TRIM14: variants seen among roughly 807,000 people sequenced by gnomAD.
The protein encoded by TRIM14 is tripartite motif containing 14, also known as tripartite motif-containing protein 14.
In TRIM14, 28 loss-of-function variants were observed where a neutral mutation model predicts 44.5. That is an observed-to-expected ratio of 0.63 (90% CI 0.47 to 0.86). TRIM14 has a LOEUF of 0.86. TRIM14 is among the 40% of genes least tolerant of loss of function. The probability of loss-of-function intolerance (pLI) is 0.00; values close to 1 mark genes in which losing one functional copy is unlikely to be tolerated. For missense variants in TRIM14, 607 were observed against 611.1 expected (o/e 0.99, Z 0.07); for synonymous variants, 299 against 269.2 (o/e 1.11, Z -1.08).
At chr9:98,045,232 C>A in the TRIM14 span, among the ~76,000 whole-genome samples, 1 of 152,228 alleles carries the variant, frequency 6.6e-6, no homozygotes, top group African/African-American at 2.4e-5. Context: ...CTCAGCCACC[C>A]CTAACTTTGT....
intron 6 of TRIM14, among the ~76,000 whole-genome samples, chr9:98,073,346 A>G (rs1235439987): frequency 7.9e-6 from 1 of 126,180 alleles, no homozygotes; most frequent in African/African-American, 3.1e-5. Context: ...GTGCAATGGC[A>G]TGCTCTTGGC....
chr9:98,064,090 G>A, the TRIM14 span, among the ~76,000 whole-genome samples: 1 of 152,172 alleles, frequency 6.6e-6, no homozygotes, highest in Non-Finnish European at 1.5e-5. Flanking sequence ...GCTCAGGCCA[G>A]AGGTAATGGG....
intron 6 of TRIM14, chr9:98,075,698 A>T (rs1018147102): frequency 6.6e-6 from 1 of 152,142 alleles, no homozygotes; most frequent in African/African-American, 2.4e-5. Context: ...TCCAACTTCA[A>T]AACAAAACAA....
the TRIM14 span, chr9:98,056,645 GGA>G: frequency 9.2e-7 from 1 of 1,089,906 alleles, no homozygotes. Context: ...TTGGCTGTCG[GGA>G]GAGAGGCGGG....
At chr9:98,047,325 T>C in the TRIM14 span, among the ~76,000 whole-genome samples, 21 of 152,288 alleles carry the variant, frequency 1.4e-4, no homozygotes, top group East Asian at 2.3e-3. Context: ...AAACCTCTTT[T>C]TCTTTATAAA....
At chr9:98,073,273 T>C (rs1829429651) in intron 6 of TRIM14, among the ~76,000 whole-genome samples, 1 of 41,440 alleles carries the variant, frequency 2.4e-5, no homozygotes, top group African/African-American at 2.7e-4. Context: ...ACCATGGGCT[T>C]TTTTTTTTTT....
At chr9:98,036,204 CAGAAAAAA>C in the TRIM14 span, among the ~76,000 whole-genome samples, 1 of 148,806 alleles carries the variant, frequency 6.7e-6, no homozygotes, top group Non-Finnish European at 1.5e-5. Flanking sequence ...CTCAAAAAAA[CAGAAAAAA>C]AGAAAAAGAA....
rs933427927 is a variant in TRIM14 at position 98,119,096 on chromosome 9, C to T, written c.93G>A (p.Val31=). 1 of 1,587,190 alleles carries T rather than the reference C, an allele frequency of 6.3e-7. No homozygotes were observed. ...GGCAGCGGCGACAGAAGAGCTCAGC[C>T]ACGCGGTCGCCATGCTCCGGGCAGC... ...GWRCPEHGDR[V]AELFCRRCRR... Residue 31 remains valine, a synonymous_variant, in exon 1 of 6, where the codon GTG becomes GTA. Transcript: ENST00000341469.
intron 2 of TRIM14, among the ~76,000 whole-genome samples, chr9:98,108,245 G>A (rs1277446987): frequency 6.6e-6 from 1 of 152,140 alleles, no homozygotes; most frequent in East Asian, 1.9e-4. Context: ...AGAGAACCAT[G>A]GCTTAGATTA....
At chr9:98,116,794 C>T (rs932713199) in intron 1 of TRIM14, among the ~76,000 whole-genome samples, 1 of 148,086 alleles carries the variant, frequency 6.8e-6, no homozygotes, top group Admixed American at 6.9e-5. Context: ...CAGTGAGCCA[C>T]GATCATGCCA....
chr9:98,100,126 T>C lies in TRIM14; in HGVS notation c.342A>G (p.Lys114=), dbSNP rs138954236. 1.9e-6 allele frequency: 3 copies of C among 1,614,182 alleles called. No homozygotes were observed. Among genetic ancestry groups the C allele is most frequent in the East Asian group, 4.5e-5 (2 of 44,880 alleles). ...CAAGTAGTAATCTGAGTTCAGTGAATTTCCCCTTCAGCCAGGTTTTACTTG... is the reference window on the plus strand; with the variant it reads ...CAAGTAGTAATCTGAGTTCAGTGAACTTCCCCTTCAGCCAGGTTTTACTTG... The part of the protein sequence containing the change: ...AESSKTWLKG[K]FTELRLLLDE... The change falls in exon 3 of 6, where the codon AAA becomes AAG. Residue 114 remains lysine, a synonymous_variant. Transcript: ENST00000341469.
At chr9:98,102,958 G>A (rs906635176) in intron 2 of TRIM14, among the ~76,000 whole-genome samples, 8 of 152,232 alleles carry the variant, frequency 5.3e-5, no homozygotes, top group Non-Finnish European at 2.9e-5. Context: ...AGGCTGAGGC[G>A]GGCAGATCAT....
At chr9:98,062,629 G>T in the TRIM14 span, among the ~76,000 whole-genome samples, 1 of 152,004 alleles carries the variant, frequency 6.6e-6, no homozygotes, top group Non-Finnish European at 1.5e-5. Flanking sequence ...ATCGAGTTCT[G>T]TGCCTGCTTG....
chr9:98,046,490 G>A, the TRIM14 span, among the ~76,000 whole-genome samples: 1 of 151,896 alleles, frequency 6.6e-6, no homozygotes, highest in East Asian at 1.9e-4. Context: ...TGCCCAGGCT[G>A]TAGTGCAATG....
At chr9:98,068,440 T>A (rs1217636359), downstream of TRIM14, among the ~76,000 whole-genome samples, 1 of 151,942 alleles carries the variant, frequency 6.6e-6, no homozygotes, top group Non-Finnish European at 1.5e-5. Context: ...CACCAGCCAT[T>A]TTTAGCTTTT....
At chr9:98,053,607 A>G in the TRIM14 span, among the ~76,000 whole-genome samples, 1 of 150,280 alleles carries the variant, frequency 6.7e-6, no homozygotes, top group Middle Eastern at 3.4e-3. Context: ...TATTAATCAG[A>G]CCTTTGTAGA....
chr9:98,108,106 G>A (rs1365106828), intron 2 of TRIM14, among the ~76,000 whole-genome samples: 2 of 139,272 alleles, frequency 1.4e-5, no homozygotes, highest in African/African-American at 5.3e-5. Flanking sequence ...TTTGGATAGT[G>A]TGCTATAGTT....
intron 6 of TRIM14, among the ~76,000 whole-genome samples, chr9:98,073,754 G>A (rs1031335047): frequency 2.4e-4 from 36 of 151,930 alleles, no homozygotes; most frequent in African/African-American, 8.0e-4. Flanking sequence ...CTGTGGGCAC[G>A]TGTTGTCCAC....
chr9:98,110,477 A>G (rs1415454885), intron 1 of TRIM14, among the ~76,000 whole-genome samples: 1 of 151,870 alleles, frequency 6.6e-6, no homozygotes, highest in Non-Finnish European at 1.5e-5. Context: ...CCCACCTTCC[A>G]TATCTCTGCT....
Sources: gnomAD v4.1 joint callset for allele counts (sites outside exome capture counted in the v4.1 genomes callset) on GRCh38, gnomAD v4.1.1 for gene constraint, MANE v1.5 for transcripts, NCBI Gene and HGNC (gene_info 2026-07-23, HGNC 2026-07-21) for gene names.